Variants in UST observed in about 807,000 individuals in gnomAD.
UST encodes chondroitin sulfate 2-O-sulfotransferase.
In UST, 21 loss-of-function variants were observed where a neutral mutation model predicts 45.6. The observed-to-expected ratio is 0.46, with a 90% CI of 0.33 to 0.66. The LOEUF (loss-of-function observed/expected upper bound fraction) is 0.66, where lower values mean the gene tolerates loss of function less well. UST is among the 30% of genes least tolerant of loss of function. UST has a pLI of 0.02. For synonymous variants in UST, 215 were observed against 200.6 expected (o/e 1.07, Z -0.61); for missense variants, 463 against 512.4 (o/e 0.90, Z 0.93).
intron 5 of UST, among the ~76,000 whole-genome samples, chr6:149,017,386 C>A (rs375100879): frequency 0.013 from 1,879 of 148,390 alleles, 55 homozygotes; most frequent in African/African-American, 0.046. Context: ...AAAAAAAAAA[C>A]AAAAAAAGTA....
chr6:148,807,434 A>G (rs12202317), intron 1 of UST, among the ~76,000 whole-genome samples: 13,207 of 152,208 alleles, frequency 0.087, 681 homozygotes, highest in South Asian at 0.2. Context: ...GTGGTCATTA[A>G]CAAGTTCCCT....
At chr6:149,013,150 A>G (rs1190031649) in intron 5 of UST, among the ~76,000 whole-genome samples, 1 of 152,254 alleles carries the variant, frequency 6.6e-6, no homozygotes, top group Non-Finnish European at 1.5e-5. Context: ...AAGGTGAAAA[A>G]GTTTAAATGA....
At chr6:148,880,081 A>G (rs1778796607) in intron 1 of UST, among the ~76,000 whole-genome samples, 1 of 151,378 alleles carries the variant, frequency 6.6e-6, no homozygotes, top group South Asian at 2.1e-4. Context: ...CAGCTGCCTG[A>G]GTAGCTGGGA....
chr6:148,888,909 G>C (rs865909487), intron 2 of UST, among the ~76,000 whole-genome samples: 1 of 152,204 alleles, frequency 6.6e-6, no homozygotes, highest in African/African-American at 2.4e-5. Context: ...TGTCTAACTC[G>C]TCTCAGTATC....
intron 1 of UST, among the ~76,000 whole-genome samples, chr6:148,784,721 A>G (rs78139916): frequency 0.14 from 21,506 of 152,222 alleles, 1,730 homozygotes; most frequent in Middle Eastern, 0.17. Context: ...TATTTGTTGA[A>G]TGAATTGATG....
intron 4 of UST, among the ~76,000 whole-genome samples, chr6:148,963,483 G>A (rs1264042810): frequency 6.6e-6 from 1 of 152,224 alleles, no homozygotes; most frequent in East Asian, 1.9e-4. Context: ...TCTGCTTCGG[G>A]AAGACCTTGT....
At chr6:148,824,028 G>T (rs1420451833) in intron 1 of UST, among the ~76,000 whole-genome samples, 1 of 152,216 alleles carries the variant, frequency 6.6e-6, no homozygotes, top group Non-Finnish European at 1.5e-5. Context: ...TGAAATAGAG[G>T]AAGGAAATGA....
chr6:148,983,790 T>G (rs1273520414), intron 5 of UST, among the ~76,000 whole-genome samples: 1 of 152,258 alleles, frequency 6.6e-6, no homozygotes, highest in Non-Finnish European at 1.5e-5. Flanking sequence ...TTCACCAATC[T>G]ACTTCTGAAG....
At chr6:148,971,954 T>C (rs1189838522) in intron 5 of UST, among the ~76,000 whole-genome samples, 2 of 152,156 alleles carry the variant, frequency 1.3e-5, no homozygotes, top group South Asian at 2.1e-4. Context: ...AAGTGCAAGA[T>C]AAACCAAGGA....
At chr6:148,839,692 T>C (rs576053601) in intron 1 of UST, among the ~76,000 whole-genome samples, 5 of 152,276 alleles carry the variant, frequency 3.3e-5, no homozygotes, top group African/African-American at 1.2e-4. Context: ...TATCAGCTTC[T>C]CTGATATCAG....
At chr6:149,055,236 C>T (rs772070856) in intron 7 of UST, among the ~76,000 whole-genome samples, 19 of 152,188 alleles carry the variant, frequency 1.2e-4, no homozygotes, top group Non-Finnish European at 2.6e-4. Flanking sequence ...TTTAACTGTG[C>T]GTGACTTGAG....
intron 3 of UST, among the ~76,000 whole-genome samples, chr6:148,949,248 G>A (rs1033939583): frequency 4.6e-5 from 7 of 151,094 alleles, no homozygotes; most frequent in East Asian, 1.9e-4. Flanking sequence ...CCAAGATTGC[G>A]CCACTGCACT....
At chr6:148,928,062 A>G (rs1420581480) in intron 2 of UST, among the ~76,000 whole-genome samples, 1 of 152,052 alleles carries the variant, frequency 6.6e-6, no homozygotes, top group East Asian at 1.9e-4. Flanking sequence ...CACTACAATG[A>G]CATAGGTTGG....
At chr6:148,923,226 T>G (rs1252985690) in intron 2 of UST, among the ~76,000 whole-genome samples, 1 of 152,248 alleles carries the variant, frequency 6.6e-6, no homozygotes, top group African/African-American at 2.4e-5. Flanking sequence ...CACTTTTGGG[T>G]TATTATGAAT....
intron 2 of UST, among the ~76,000 whole-genome samples, chr6:148,907,447 C>A (rs1320667996): frequency 6.6e-6 from 1 of 152,124 alleles, no homozygotes; most frequent in Non-Finnish European, 1.5e-5. Context: ...GGGAGAAATG[C>A]ACTTTTAATG....
Position 148,847,362 on chromosome 6 carries a change from C to T in UST, c.248-39624C>T, listed in dbSNP as rs1035174396. On this transcript the variant is annotated intron_variant, in intron 1 of 7. Transcript: ENST00000367463. ...GTGGTTGTTACAGGATTCAGGTCAA[C>T]GTGGGCTGGTGGATTGTGGGCCTCA... Among the ~76,000 whole-genome samples the T allele has an allele frequency of 5.3e-5, 8 of 152,332 alleles. No homozygotes were observed. The East Asian group carries it at 1.2e-3, about 22-fold the overall frequency.
At chr6:148,855,592 T>C (rs1778188809) in intron 1 of UST, among the ~76,000 whole-genome samples, 1 of 151,862 alleles carries the variant, frequency 6.6e-6, no homozygotes, top group South Asian at 2.1e-4. Flanking sequence ...CCAATCAGAG[T>C]AAAAAAGGAT....
chr6:149,019,800 C>G (rs1775953255), intron 6 of UST, among the ~76,000 whole-genome samples: 1 of 152,206 alleles, frequency 6.6e-6, no homozygotes, highest in Non-Finnish European at 1.5e-5. Flanking sequence ...GTGACTTACT[C>G]AGATAGTCAG....
At position 148,766,451 on chromosome 6, in the gene UST, A is replaced by G. The variant is rs115928816; in HGVS notation, c.247+18774A>G. On this transcript the variant is annotated intron_variant, in intron 1 of 7. Transcript: ENST00000367463. ...TCTTCCTCTGTTTTCTTTTCCATCTAGACAGGTTCATTCCTTCAACAAATG... is the reference window on the plus strand; with the variant it reads ...TCTTCCTCTGTTTTCTTTTCCATCTGGACAGGTTCATTCCTTCAACAAATG... Among the ~76,000 whole-genome samples the G allele has an allele frequency of 3.6e-3, 543 of 152,212 alleles. 2 individuals carry two copies. The highest frequency in any genetic ancestry group is 0.012 in the African/African-American group (512 of 41,506).
Sources: allele counts gnomAD v4.1 joint callset (sites outside exome capture counted in the v4.1 genomes callset), GRCh38; gene constraint gnomAD v4.1.1; transcripts MANE v1.5; gene names NCBI Gene and HGNC (gene_info 2026-07-23, HGNC 2026-07-21).